The following IFT57 variants were observed in gnomAD, a reference collection of about 807,000 sequenced individuals.
IFT57 encodes the protein intraflagellar transport 57.
In IFT57, 59 loss-of-function variants were observed where a neutral mutation model predicts 56.8. The ratio of observed to expected loss-of-function variants is 1.04; its 90% CI spans 0.84 to 1.29. IFT57 has a LOEUF of 1.29. IFT57 is among the 50% of genes most tolerant of loss of function. The pLI is 0.00. For synonymous variants in IFT57, 209 were observed against 186.1 expected, an observed-to-expected ratio of 1.12 and a Z score of -1.00; for missense variants, 470 against 522.1, an observed-to-expected ratio of 0.90 and a Z score of 0.97.
intron 6 of IFT57, among the ~76,000 whole-genome samples, chr3:108,188,185 G>C (rs1019841745): frequency 2.6e-5 from 4 of 152,024 alleles, no homozygotes; most frequent in African/African-American, 9.7e-5. Flanking sequence ...AGAAGGAAAG[G>C]GTCGACCACG....
chr3:108,180,845 CA>C (rs756815424), intron 6 of IFT57, among the ~76,000 whole-genome samples: 1 of 151,954 alleles, frequency 6.6e-6, no homozygotes, highest in Non-Finnish European at 1.5e-5. Flanking sequence ...TTTTAAAAAA[CA>C]AATCATTCTT....
intron 10 of IFT57, 117 bp from the exon 11 acceptor site, chr3:108,162,772 C>G (rs970256740): frequency 2.6e-6 from 2 of 760,952 alleles, no homozygotes; most frequent in Non-Finnish European, 3.8e-6. Flanking sequence ...AAAAATATAG[C>G]CAAAAACTTA....
intron 5 of IFT57, among the ~76,000 whole-genome samples, chr3:108,205,637 C>T (rs1292677336): frequency 1.3e-5 from 2 of 150,012 alleles, no homozygotes; most frequent in African/African-American, 4.9e-5. Context: ...AAAACTAGAT[C>T]CAAACTTGTC....
chr3:108,195,437 T>A (rs2080238654), intron 5 of IFT57, among the ~76,000 whole-genome samples: 1 of 152,064 alleles, frequency 6.6e-6, no homozygotes, highest in Non-Finnish European at 1.5e-5. Flanking sequence ...AAACTAAAAA[T>A]CTATCATATA....
chr3:108,193,940 G>C (rs2080229520), intron 5 of IFT57, among the ~76,000 whole-genome samples: 2 of 152,120 alleles, frequency 1.3e-5, no homozygotes, highest in African/African-American at 2.4e-5. Context: ...TGGGGGCTGG[G>C]GTAGTGAGGA....
chr3:108,162,676 G>A (rs1031777948), intron 10 of IFT57, 21 bp from the exon 11 acceptor site: 1 of 1,551,184 alleles, frequency 6.4e-7, no homozygotes, highest in African/African-American at 1.4e-5. Flanking sequence ...AAAATAACAT[G>A]AAATAAAAAT....
chr3:108,199,830 G>C (rs566495587), intron 5 of IFT57, among the ~76,000 whole-genome samples: 1 of 152,178 alleles, frequency 6.6e-6, no homozygotes, highest in Non-Finnish European at 1.5e-5. Context: ...GATAAGGGAA[G>C]TGTCACTTAG....
chr3:108,165,736 C>T (rs148018215), intron 8 of IFT57, among the ~76,000 whole-genome samples: 8 of 152,120 alleles, frequency 5.3e-5, no homozygotes, highest in Admixed American at 5.2e-4. Context: ...GACTGTGTAC[C>T]TCGCATGGGC....
In IFT57 at chr3:108,161,677, TAAGTA is replaced by T. The variant is rs1406767004; in HGVS notation, c.*795_*799del. 5.9e-5 allele frequency: 9 copies of T among 152,120 alleles called. No individual in the cohort carries two copies. The highest frequency in any genetic ancestry group is 5.2e-4 in the Admixed American group (8 of 15,248). 9.4% of individuals were successfully genotyped at this position (152,120 alleles called of 1,614,324 possible). A position where few individuals can be genotyped will look rare whatever the true frequency, so the allele number is the denominator to read the frequency against. On this transcript the variant is annotated 3_prime_UTR_variant, in exon 11 of 11. Transcript: ENST00000264538. ...CTAGAAAGTTGCTCAGGAAGATGCA[TAAGTA>T]AAGATCATCAGTACTAGAGGCTGAT... is the stretch of plus-strand genomic sequence containing the variant.
At chr3:108,207,688 A>G (rs1312810679) in intron 4 of IFT57, among the ~76,000 whole-genome samples, 2 of 152,226 alleles carry the variant, frequency 1.3e-5, no homozygotes, top group African/African-American at 4.8e-5. Flanking sequence ...CAGCAGTATC[A>G]GCATCACCTA....
At chr3:108,181,156 CAG>C (rs2080149540) in intron 6 of IFT57, among the ~76,000 whole-genome samples, 2 of 151,964 alleles carry the variant, frequency 1.3e-5, no homozygotes, top group African/African-American at 2.4e-5. Flanking sequence ...TTATCACACT[CAG>C]GGTAAATAGG....
chr3:108,185,551 AT>A (rs1179200943), intron 6 of IFT57, among the ~76,000 whole-genome samples: 5,530 of 87,134 alleles, frequency 0.063, 139 homozygotes, highest in East Asian at 0.34. Context: ...GAGCACTAGG[AT>A]TTTTTTTTTT....
intron 5 of IFT57, among the ~76,000 whole-genome samples, chr3:108,193,350 T>C (rs185616881): frequency 4.6e-5 from 7 of 152,330 alleles, no homozygotes. Flanking sequence ...AAGTCCTGTT[T>C]AGACTCAGAG....
chr3:108,191,593 A>G lies in IFT57; in HGVS notation c.705T>C (p.Asp235=), dbSNP rs1449723997. 6.2e-7 allele frequency: 1 copy of G among 1,609,820 alleles called. No individual in the cohort carries two copies. Among genetic ancestry groups the G allele is most frequent in the South Asian group, 1.1e-5 (1 of 90,886 alleles). Residue 235 remains aspartate, a synonymous_variant, in exon 6 of 11, where the codon GAT becomes GAC. Transcript: ENST00000264538. ...CCACTTCTAGGCTCCATTCTGCAGC[A>G]TCTGTTGTGGATTCCAAAATATCTT... ...KQEDILESTT[D]AAEWSLEVER... is the part of the protein sequence containing the mutation.
intron 4 of IFT57, among the ~76,000 whole-genome samples, chr3:108,209,899 C>A (rs956489339): frequency 2.2e-5 from 3 of 139,268 alleles, no homozygotes; most frequent in Non-Finnish European, 4.7e-5. Context: ...TAAGCCAATT[C>A]CTTAGTCTTT....
At chr3:108,165,196 ATAT>A (rs1400785591) in intron 9 of IFT57, among the ~76,000 whole-genome samples, 1 of 152,114 alleles carries the variant, frequency 6.6e-6, no homozygotes, top group Admixed American at 6.6e-5. Context: ...AAGTGTGCTA[ATAT>A]TATGAGCAGG....
chr3:108,196,333 G>A (rs533770413), intron 5 of IFT57, among the ~76,000 whole-genome samples: 25 of 151,940 alleles, frequency 1.6e-4, no homozygotes, highest in South Asian at 1.3e-3. Context: ...AGACAAGGGC[G>A]CACACCCGTC....
intron 10 of IFT57, among the ~76,000 whole-genome samples, chr3:108,163,046 C>CA (rs1035971913): frequency 2.0e-4 from 30 of 147,662 alleles, no homozygotes; most frequent in Admixed American, 3.4e-4. Flanking sequence ...AAACATATTG[C>CA]AAAAAAAAAA....
chr3:108,190,452 A>G (rs9859939), intron 6 of IFT57, among the ~76,000 whole-genome samples: 14,649 of 152,224 alleles, frequency 0.096, 770 homozygotes, highest in Middle Eastern at 0.12. Context: ...GAGTTCTCAC[A>G]AGATCTGATG....
Sources: gnomAD v4.1 joint callset for allele counts (sites outside exome capture counted in the v4.1 genomes callset) on GRCh38, gnomAD v4.1.1 for gene constraint, MANE v1.5 for transcripts, NCBI Gene and HGNC (gene_info 2026-07-23, HGNC 2026-07-21) for gene names.